Variants in PLB1 observed in about 807,000 individuals in gnomAD.
The protein encoded by PLB1 is phospholipase B1, membrane-associated.
A neutral mutation model predicts 227.4 loss-of-function variants in PLB1; 242 were observed. The observed-to-expected ratio is 1.06, with a 90% CI of 0.96 to 1.18. The LOEUF (loss-of-function observed/expected upper bound fraction) is 1.18, where lower values mean the gene tolerates loss of function less well. Among genes scored for constraint, PLB1 ranks in the 50% most tolerant of loss-of-function variants. PLB1 has a pLI of 0.00. For missense variants in PLB1, 1,858 were observed against 1,816.3 expected (o/e 1.02, Z -0.42); for synonymous variants, 757 against 682.2 (o/e 1.11, Z -1.71).
At position 28,593,773 on chromosome 2, in the gene PLB1, C is replaced by T; in HGVS notation, c.2321+19C>T. The T allele has an allele frequency of 1.2e-6, 2 of 1,605,228 alleles. No individual in the cohort carries two copies. The highest frequency in any genetic ancestry group is 2.7e-5 in the African/African-American group (2 of 74,826). On this transcript the variant is annotated intron_variant, in intron 33 of 57. Coordinates refer to ENST00000327757, the MANE Select transcript of PLB1 (RefSeq NM_153021.5). ...CATACAGGTAATGTTAACCTTTGAC[C>T]TCTCCCAGCGTTCCCCCCACAACAG... is the stretch of plus-strand genomic sequence containing the variant.
chr2:28,529,822 T>C, intron 8 of PLB1, 43 bp downstream of exon 8: 1 of 1,597,388 alleles, frequency 6.3e-7, no homozygotes, highest in Non-Finnish European at 8.6e-7. Context: ...CTGCCTGGCT[T>C]TGCTGCAAGG....
chr2:28,609,952 A>G (rs1423292199), intron 43 of PLB1, among the ~76,000 whole-genome samples: 1 of 152,124 alleles, frequency 6.6e-6, no homozygotes, highest in African/African-American at 2.4e-5. Context: ...CCATGAAACA[A>G]TAGACTTATG....
At chr2:28,600,660 G>A (rs1683723061) in intron 35 of PLB1, 149 bp from the exon 36 acceptor site, 2 of 699,970 alleles carry the variant, frequency 2.9e-6, no homozygotes, top group South Asian at 1.8e-5. Context: ...TTCCAGAAGA[G>A]GCAAGTCACT....
chr2:28,554,489 C>CTTTTTTTTTTTTTTTTTTTTTTTTTTTT lies in PLB1; in HGVS notation c.1147+1500_1147+1527dup, dbSNP rs536476788. On this transcript the variant is annotated intron_variant, in intron 17 of 57. Coordinates refer to ENST00000327757, the MANE Select transcript of PLB1 (RefSeq NM_153021.5). ...CTACAGGCATTATCACCACACCTGC[C>CTTTTTTTTTTTTTTTTTTTTTTTTTTTT]TTTTTTTTTTTTTTTTTTTTTTTTT... is the stretch of plus-strand genomic sequence containing the variant. Among the ~76,000 whole-genome samples, 7 of 85,472 alleles carry CTTTTTTTTTTTTTTTTTTTTTTTTTTTT rather than the reference C, an allele frequency of 8.2e-5. 2 individuals are homozygous for CTTTTTTTTTTTTTTTTTTTTTTTTTTTT. Among genetic ancestry groups the CTTTTTTTTTTTTTTTTTTTTTTTTTTTT allele is most frequent in the Admixed American group, 1.4e-4 (1 of 7,224 alleles). The allele number at this position is 85,472 out of a possible 152,430, so 56.1% of individuals were successfully genotyped here.
intron 49 of PLB1, among the ~76,000 whole-genome samples, chr2:28,624,236 C>T (rs899686745): frequency 6.6e-6 from 1 of 152,168 alleles, no homozygotes; most frequent in Admixed American, 6.5e-5. Context: ...TACCTCACAC[C>T]CCAGGCAACC....
intron 19 of PLB1, 183 bp from the exon 20 acceptor site, chr2:28,566,613 A>G (rs779196643): frequency 2.2e-5 from 13 of 604,462 alleles, no homozygotes; most frequent in Admixed American, 5.6e-5. Context: ...GTGCTGGCCT[A>G]TGGGGAGGGG....
intron 6 of PLB1, among the ~76,000 whole-genome samples, chr2:28,526,622 G>A (rs527886872): frequency 4.1e-4 from 63 of 152,238 alleles, no homozygotes; most frequent in African/African-American, 1.4e-3. Flanking sequence ...TCAGCCTAGC[G>A]GGATGTTAGT....
Position 28,532,100 on chromosome 2 carries a change from T to C in PLB1, c.469-8T>C. 1.2e-6 allele frequency: 2 copies of C among 1,607,468 alleles called. No homozygotes were observed. The highest frequency in any genetic ancestry group is 1.7e-6 in the Non-Finnish European group (2 of 1,175,504). On this transcript the variant is annotated splice_region_variant and splice_polypyrimidine_tract_variant and intron_variant, in intron 8 of 57. Transcript: ENST00000327757. ...ATCTCCTTTTCATGCTGTTGCCCTT[T>C]TATTCAGCAACTTGACTTTCAATTT...
intron 17 of PLB1, among the ~76,000 whole-genome samples, chr2:28,561,465 C>T (rs1408444362): frequency 6.6e-6 from 1 of 152,150 alleles, no homozygotes; most frequent in African/African-American, 2.4e-5. Context: ...AACAAACACT[C>T]GTACACAGAT....
At chr2:28,525,774 G>T in intron 5 of PLB1, 131 bp from the exon 6 acceptor site, 1 of 1,133,780 alleles carries the variant, frequency 8.8e-7, no homozygotes. Flanking sequence ...ATAACCCCTG[G>T]GAGGATAATC....
chr2:28,567,505 C>T (rs78424267), intron 20 of PLB1, among the ~76,000 whole-genome samples: 1 of 130,124 alleles, frequency 7.7e-6, no homozygotes, highest in Non-Finnish European at 1.5e-5. Context: ...TGGAGTCTCA[C>T]TCTGTTGCCA....
At chr2:28,623,201 T>C (rs762801413) in intron 49 of PLB1, among the ~76,000 whole-genome samples, 2 of 152,180 alleles carry the variant, frequency 1.3e-5, no homozygotes, top group African/African-American at 2.4e-5. Flanking sequence ...CAGCAACTTG[T>C]ACAAGCTCAA....
intron 34 of PLB1, among the ~76,000 whole-genome samples, chr2:28,598,266 C>T (rs1232488395): frequency 2.0e-5 from 3 of 152,116 alleles, no homozygotes; most frequent in African/African-American, 7.2e-5. Context: ...TGCTTCAATC[C>T]CTGGTGCTGG....
At chr2:28,533,670 G>A (rs1671310603) in intron 9 of PLB1, among the ~76,000 whole-genome samples, 1 of 152,150 alleles carries the variant, frequency 6.6e-6, no homozygotes, top group Non-Finnish European at 1.5e-5. Context: ...ATATGCTATT[G>A]TATTTGTGAT....
chr2:28,635,993 GTGTATGTATGTGTATGTATGTATGAA>G (rs1689256138), intron 56 of PLB1, among the ~76,000 whole-genome samples: 1 of 150,668 alleles, frequency 6.6e-6, no homozygotes, highest in South Asian at 2.1e-4. Flanking sequence ...TTGTGTATGT[GTGTATGTATGTGTATGTATGTATGAA>G]TGTGTGTGTA....
intron 4 of PLB1, among the ~76,000 whole-genome samples, chr2:28,522,723 C>A (rs1280476208): frequency 6.6e-6 from 1 of 152,218 alleles, no homozygotes; most frequent in African/African-American, 2.4e-5. Flanking sequence ...ACTCGGCCCC[C>A]CCTTCTCAGG....
In PLB1 at chr2:28,516,852, G is replaced by A. The variant is rs751867991; in HGVS notation, c.100G>A (p.Gly34Arg). The change falls in exon 2 of 58, where the codon GGG becomes AGG. Residue 34 changes from glycine (G) to arginine (R), a missense_variant. Physicochemically the swap from Gly to Arg is moderately radical, Grantham distance 125. Coordinates refer to ENST00000327757, the MANE Select transcript of PLB1 (RefSeq NM_153021.5). ...CTCTCCTAGAAAGAGTACATTGGAA[G>A]GGCAGCTATGGCCAGAGGTAAGGGC... ...HTSPRKSTLE[G>R]QLWPETLKNS... The A allele has an allele frequency of 1.2e-6, 2 of 1,613,916 alleles. No homozygotes were observed. The highest frequency in any genetic ancestry group is 2.2e-5 in the East Asian group (1 of 44,882).
intron 44 of PLB1, among the ~76,000 whole-genome samples, chr2:28,614,940 T>G (rs1352737872): frequency 6.6e-6 from 1 of 151,906 alleles, no homozygotes; most frequent in African/African-American, 2.4e-5. Flanking sequence ...TACAATCTAC[T>G]GAGAAAGGTG....
At chr2:28,626,327 A>G in intron 50 of PLB1, 101 bp from the exon 51 acceptor site, 4 of 931,322 alleles carry the variant, frequency 4.3e-6, no homozygotes, top group Non-Finnish European at 6.8e-6. Flanking sequence ...TACAGTATAA[A>G]TAAGACAAAA....
Sources: allele counts gnomAD v4.1 joint callset (sites outside exome capture counted in the v4.1 genomes callset), GRCh38; gene constraint gnomAD v4.1.1; transcripts MANE v1.5; gene names NCBI Gene and HGNC (gene_info 2026-07-23, HGNC 2026-07-21).